Variants in GNAI1 observed in about 807,000 individuals in gnomAD.
GNAI1 encodes the protein guanine nucleotide-binding protein G(i) subunit alpha-1.
GNAI1 carries 11 observed loss-of-function variants against 38.9 expected under a neutral mutation model. That is an observed-to-expected ratio of 0.28 (90% CI 0.18 to 0.47). GNAI1 has a LOEUF of 0.47. Ranked by LOEUF, GNAI1 falls within the 20% of genes least tolerant of loss-of-function variation. The pLI is 0.99. For synonymous variants in GNAI1, 166 were observed against 145.1 expected (o/e 1.14, Z -1.04); for missense variants, 317 against 436.9 (o/e 0.73, Z 2.45).
At chr7:80,184,614 G>C (rs529632146) in intron 1 of GNAI1, among the ~76,000 whole-genome samples, 1 of 152,310 alleles carries the variant, frequency 6.6e-6, no homozygotes, top group East Asian at 1.9e-4. Context: ...GGAAGCTGCT[G>C]ATCACCAGTT....
intron 5 of GNAI1, among the ~76,000 whole-genome samples, chr7:80,204,868 G>T (rs1788746596): frequency 6.6e-6 from 1 of 152,042 alleles, no homozygotes. Context: ...CAAAACTTCT[G>T]TATTTTCATA....
At chr7:80,216,184 TACAC>T (rs1363095917) in intron 7 of GNAI1, among the ~76,000 whole-genome samples, 1 of 151,412 alleles carries the variant, frequency 6.6e-6, no homozygotes, top group African/African-American at 2.4e-5. Context: ...CATACATACG[TACAC>T]ACACACCCTC....
Position 80,147,710 on chromosome 7 carries a change from G to A in GNAI1, c.118+12432G>A, listed in dbSNP as rs571312943. On this transcript the variant is annotated intron_variant, in intron 1 of 7. Transcript: ENST00000649796. ...CCCATTGCTTTTAAAAGGGAATTCT[G>A]ATCTTAGAAAACTACCCTTCATGTT... Among the ~76,000 whole-genome samples the A allele has an allele frequency of 3.9e-5, 6 of 152,278 alleles. No homozygotes were observed. In the East Asian group the frequency reaches 1.2e-3, roughly 29 times the overall value.
chr7:80,171,789 A>G (rs776990201), intron 1 of GNAI1, among the ~76,000 whole-genome samples: 1 of 152,178 alleles, frequency 6.6e-6, no homozygotes, highest in Non-Finnish European at 1.5e-5. Context: ...AGGGCTCTTC[A>G]GTTATTTATC....
intron 6 of GNAI1, among the ~76,000 whole-genome samples, chr7:80,211,469 G>A (rs1002991706): frequency 5.4e-5 from 8 of 149,108 alleles, no homozygotes; most frequent in South Asian, 2.1e-4. Context: ...CCAGACTGGA[G>A]TGCAGTGGCA....
chr7:80,166,971 A>G (rs1161111555), intron 1 of GNAI1, among the ~76,000 whole-genome samples: 5 of 152,176 alleles, frequency 3.3e-5, no homozygotes, highest in African/African-American at 7.2e-5. Context: ...TGAGATGTCA[A>G]ACAGCCTGTG....
At chr7:80,156,974 C>T (rs1260358150) in intron 1 of GNAI1, among the ~76,000 whole-genome samples, 2 of 152,112 alleles carry the variant, frequency 1.3e-5, no homozygotes, top group Admixed American at 1.3e-4. Context: ...CATTCAAAGA[C>T]TTTAGTTTTA....
At chr7:80,206,933 A>G (rs921567670) in intron 5 of GNAI1, among the ~76,000 whole-genome samples, 2 of 152,052 alleles carry the variant, frequency 1.3e-5, no homozygotes, top group East Asian at 1.9e-4. Flanking sequence ...ATATTTTTGG[A>G]CCTTGGTTGA....
intron 7 of GNAI1, 91 bp from the exon 8 acceptor site, chr7:80,217,212 C>A (rs1029718448): frequency 8.8e-6 from 7 of 790,962 alleles, no homozygotes; most frequent in South Asian, 4.6e-5. Context: ...ATGAAACTGA[C>A]TTCAGTTTCA....
At chr7:80,207,339 C>T (rs1453361014) in intron 5 of GNAI1, among the ~76,000 whole-genome samples, 16 of 152,018 alleles carry the variant, frequency 1.1e-4, no homozygotes, top group Non-Finnish European at 1.5e-5. Context: ...TTTTCACTTC[C>T]AGCCTAGGTT....
intron 3 of GNAI1, among the ~76,000 whole-genome samples, chr7:80,193,932 C>G (rs1231238202): frequency 7.9e-5 from 12 of 152,144 alleles, no homozygotes; most frequent in Admixed American, 7.9e-4. Flanking sequence ...GGAAACCTCA[C>G]CTTGAATTGA....
At chr7:80,179,613 A>G (rs1428629650) in intron 1 of GNAI1, among the ~76,000 whole-genome samples, 1 of 152,240 alleles carries the variant, frequency 6.6e-6, no homozygotes, top group African/African-American at 2.4e-5. Flanking sequence ...GAAATTATTC[A>G]GTGTCTGAGA....
At chr7:80,201,389 C>G (rs1323519484) in intron 4 of GNAI1, among the ~76,000 whole-genome samples, 3 of 152,050 alleles carry the variant, frequency 2.0e-5, no homozygotes, top group Non-Finnish European at 4.4e-5. Flanking sequence ...TGTCCAAGAC[C>G]CTCTCTCCTG....
chr7:80,217,506 A>T lies in GNAI1; in HGVS notation c.*13A>T. 6.6e-7 allele frequency: 1 copy of T among 1,524,066 alleles called. No individual in the cohort carries two copies. Among genetic ancestry groups the T allele is most frequent in the South Asian group, 1.2e-5 (1 of 82,138 alleles). The allele number at this position is 1,524,066 out of a possible 1,614,324, so 94.4% of individuals were successfully genotyped here. A position where few individuals can be genotyped will look rare whatever the true frequency, so the allele number is the denominator to read the frequency against. ...TGGTCTCTTTTAAGTTTTGCAGTTC[A>T]TGGTAAAATGCATTTTCAAACCAAA... is the stretch of plus-strand genomic sequence containing the variant. On this transcript the variant is annotated 3_prime_UTR_variant, in exon 8 of 8. Coordinates refer to ENST00000649796, the MANE Select transcript of GNAI1 (RefSeq NM_002069.6).
chr7:80,201,053 A>G (rs1480689446), intron 4 of GNAI1, among the ~76,000 whole-genome samples: 1 of 152,230 alleles, frequency 6.6e-6, no homozygotes, highest in Non-Finnish European at 1.5e-5. Flanking sequence ...GTTTTTACCT[A>G]ATATTGTATT....
chr7:80,159,964 T>C (rs1301361803), intron 1 of GNAI1, among the ~76,000 whole-genome samples: 1 of 152,206 alleles, frequency 6.6e-6, no homozygotes, highest in African/African-American at 2.4e-5. Context: ...GTACTGGTTA[T>C]GTAGCAGTAA....
At chr7:80,213,094 T>G (rs1788901115) in intron 7 of GNAI1, among the ~76,000 whole-genome samples, 1 of 152,208 alleles carries the variant, frequency 6.6e-6, no homozygotes, top group Admixed American at 6.5e-5. Flanking sequence ...GTTAGATAAT[T>G]TTTAGTGATG....
At position 80,212,761 on chromosome 7, in the gene GNAI1, A is replaced by G. The variant is rs1466308269; in HGVS notation, c.766A>G (p.Asn256Asp). The G allele has an allele frequency of 6.4e-7, 1 of 1,565,954 alleles. No individual in the cohort carries two copies. Among genetic ancestry groups the G allele is most frequent in the Non-Finnish European group, 8.6e-7 (1 of 1,161,080 alleles). Reference sequence around the variant, plus strand: ...GAAATTGTTTGACAGCATATGTAACAACAAGTGGTTTACAGATACATCCAT... The same window carrying G: ...GAAATTGTTTGACAGCATATGTAACGACAAGTGGTTTACAGATACATCCAT... ...SMKLFDSICN[N>D]KWFTDTSIIL... Residue 256 changes from asparagine to aspartate, a missense_variant, in exon 7 of 8, where the codon AAC becomes GAC. Transcript: ENST00000649796.
rs762505095 is a variant in GNAI1, at chr7:80,135,111, C to A, written c.-50C>A. ...AGAAAGGATTCCCCTGTGCTTGGAG[C>A]CCGCACTCGGGCGCGGAGGGAGCGG... is the stretch of plus-strand genomic sequence containing the variant. On this transcript the variant is annotated 5_prime_UTR_variant, in exon 1 of 8. Transcript: ENST00000649796. The A allele has an allele frequency of 2.0e-5, 25 of 1,273,168 alleles. No homozygotes were observed. Among genetic ancestry groups the A allele is most frequent in the Non-Finnish European group, 2.3e-5 (22 of 941,956 alleles). 78.9% of individuals were successfully genotyped at this position (1,273,168 alleles called of 1,614,324 possible). A position where few individuals can be genotyped will look rare whatever the true frequency, so the allele number is the denominator to read the frequency against.
Sources: allele counts gnomAD v4.1 joint callset (sites outside exome capture counted in the v4.1 genomes callset), GRCh38; gene constraint gnomAD v4.1.1; transcripts MANE v1.5; gene names NCBI Gene and HGNC (gene_info 2026-07-23, HGNC 2026-07-21).